Variants in YARS1 observed in about 807,000 individuals in gnomAD.
YARS1 encodes tyrosine--tRNA ligase, cytoplasmic.
YARS1 carries 36 observed loss-of-function variants against 62.2 expected under a neutral mutation model. That is an observed-to-expected ratio of 0.58 (90% CI 0.44 to 0.76). The LOEUF is 0.76. Among genes scored for constraint, YARS1 ranks in the 30% least tolerant of loss-of-function variants. YARS1 has a pLI of 0.00. For synonymous variants in YARS1, 234 were observed against 244.9 expected, an observed-to-expected ratio of 0.96 and a Z score of 0.42; for missense variants, 524 against 639.8, an observed-to-expected ratio of 0.82 and a Z score of 1.95.
Position 32,807,261 on chromosome 1 carries a change from C to T in YARS1, c.381-650G>A, listed in dbSNP as rs150849216. Among the ~76,000 whole-genome samples the T allele has an allele frequency of 6.6e-5, 10 of 152,242 alleles. No homozygotes were observed. In the East Asian group the frequency reaches 1.5e-3, roughly 23 times the overall value. On this transcript the variant is annotated intron_variant, in intron 3 of 12. Coordinates refer to ENST00000373477, the MANE Select transcript of YARS1 (RefSeq NM_003680.4). The stretch of plus-strand genomic sequence containing the variant: ...TTAGAACACTAGTTCACCATCTTCT[C>T]GGTTTGTTGGCTTTCTGATCAAACC...
intron 1 of YARS1, chr1:32,811,387 T>C (rs1638582009): frequency 5.2e-6 from 2 of 386,208 alleles, no homozygotes; most frequent in Admixed American, 7.3e-5. Flanking sequence ...TGATAAGATA[T>C]TGTGGAAAGC....
chr1:32,777,308 C>T (rs577352388), intron 12 of YARS1, among the ~76,000 whole-genome samples: 105 of 151,248 alleles, frequency 6.9e-4, no homozygotes, highest in African/African-American at 2.4e-3. Context: ...AGATTACAGG[C>T]GTGAGAGAAA....
chr1:32,780,265 T>C lies in YARS1; in HGVS notation c.1154A>G (p.Asp385Gly), dbSNP rs1057524362. 6.2e-7 allele frequency: 1 copy of C among 1,613,992 alleles called. No homozygotes were observed. The change falls in exon 11 of 13, where the codon GAC becomes GGC. Residue 385 changes from aspartate (D) to glycine (G), a missense_variant. By Grantham distance (94) the Asp-to-Gly change is moderately conservative (BLOSUM62 -1). Transcript: ENST00000373477. Reference protein sequence around the residue: ...IITVEKHPDADSLYVEKIDVG... With the variant: ...IITVEKHPDAGSLYVEKIDVG... Reference sequence around the variant, plus strand: ...GTCAATCTTCTCTACATACAGGCTGTCTGCATCTGGGTGCTGCCAGGGAGA... The same window carrying C: ...GTCAATCTTCTCTACATACAGGCTGCCTGCATCTGGGTGCTGCCAGGGAGA...
chr1:32,809,963 G>A (rs533899452), intron 3 of YARS1, among the ~76,000 whole-genome samples: 1 of 152,144 alleles, frequency 6.6e-6, no homozygotes, highest in South Asian at 2.1e-4. Context: ...AAAATTAGCC[G>A]GGTGTGGTGG....
At chr1:32,810,467 A>C in intron 3 of YARS1, 124 bp downstream of exon 3, 1 of 1,286,076 alleles carries the variant, frequency 7.8e-7, no homozygotes, top group South Asian at 1.2e-5. Context: ...AAAGTTTTAA[A>C]TGGTTCTTAA....
intron 12 of YARS1, among the ~76,000 whole-genome samples, chr1:32,778,519 G>A (rs952212009): frequency 7.3e-5 from 11 of 150,116 alleles, no homozygotes; most frequent in South Asian, 2.1e-4. Context: ...TGCCATTCTC[G>A]TCTCAGCCTC....
chr1:32,799,648 T>G (rs761787904), intron 4 of YARS1, among the ~76,000 whole-genome samples: 7 of 152,198 alleles, frequency 4.6e-5, no homozygotes, highest in Non-Finnish European at 7.3e-5. Flanking sequence ...TGGTGATGAA[T>G]ATATTATATG....
At chr1:32,785,416 G>T (rs1029544163) in intron 8 of YARS1, among the ~76,000 whole-genome samples, 4 of 150,210 alleles carry the variant, frequency 2.7e-5, no homozygotes, top group Non-Finnish European at 4.4e-5. Context: ...AGCCGAGATC[G>T]TGCCACTGCA....
rs200857685 is a variant in YARS1, at chr1:32,778,735, T to TC, written c.1476+646dup. Among the ~76,000 whole-genome samples the TC allele has an allele frequency of 9.0e-5, 13 of 145,026 alleles. No individual in the cohort carries two copies. In the East Asian group the frequency reaches 1.0e-3, roughly 11 times the overall value. On this transcript the variant is annotated intron_variant, in intron 12 of 12. Transcript: ENST00000373477. ...CCTGGCCTCATCATTTCTTTTCTTT[T>TC]CTTTTTTTTTTTTTTTTTTTGAGAC...
chr1:32,782,124 A>C lies in YARS1; in HGVS notation c.1042+280T>G, dbSNP rs1653080034. ...CTGGCCCCGGTCACTATCTTTAATG[A>C]AGAGGCAGATTTAACAAACAGACTA... On this transcript the variant is annotated intron_variant, in intron 9 of 12. Coordinates refer to ENST00000373477, the MANE Select transcript of YARS1 (RefSeq NM_003680.4). 4 of 479,348 alleles carry C rather than the reference A, an allele frequency of 8.3e-6. No individual in the cohort carries two copies. The South Asian group carries it at 8.5e-5, about 10-fold the overall frequency. 29.7% of individuals were successfully genotyped at this position (479,348 alleles called of 1,614,324 possible).
At chr1:32,796,250 C>G (rs561523190) in intron 5 of YARS1, among the ~76,000 whole-genome samples, 10 of 151,806 alleles carry the variant, frequency 6.6e-5, no homozygotes, top group African/African-American at 2.4e-4. Context: ...GAGCCGAGAT[C>G]GCGCCACTGC....
At chr1:32,796,811 A>T (rs553926383) in intron 5 of YARS1, among the ~76,000 whole-genome samples, 7 of 150,060 alleles carry the variant, frequency 4.7e-5, no homozygotes, top group African/African-American at 1.7e-4. Context: ...TTAAAAATAT[A>T]AAAATTACCT....
At chr1:32,805,910 C>T (rs1020758147) in intron 4 of YARS1, among the ~76,000 whole-genome samples, 6 of 152,124 alleles carry the variant, frequency 3.9e-5, no homozygotes, top group East Asian at 1.9e-4. Context: ...TGCAGTGAGC[C>T]GAGATTTCGC....
intron 8 of YARS1, chr1:32,783,231 C>T (rs1378359574): frequency 6.6e-6 from 1 of 152,634 alleles, no homozygotes. Flanking sequence ...GGTTAAATCA[C>T]TGAATGTGGG....
chr1:32,817,301 CACCGTCGCCGCCGCGTGCCGGGA>C lies in YARS1; in HGVS notation c.-80_-58del. ...CCGGCACCAGAGCCCCTTCCTGGGT[CACCGTCGCCGCCGCGTGCCGGGA>C]ACTGTCACGCGAGTCCAGCCAGGTT... On this transcript the variant is annotated 5_prime_UTR_variant, in exon 1 of 13. It removes the in-frame stop codon of an upstream open reading frame in the 5' UTR. Transcript: ENST00000373477. 1 of 1,605,208 alleles carries C rather than the reference CACCGTCGCCGCCGCGTGCCGGGA, an allele frequency of 6.2e-7. No homozygotes were observed. The highest frequency in any genetic ancestry group is 8.5e-7 in the Non-Finnish European group (1 of 1,174,450).
chr1:32,785,226 G>A (rs1054260064), intron 8 of YARS1, among the ~76,000 whole-genome samples: 8 of 152,180 alleles, frequency 5.3e-5, no homozygotes, highest in South Asian at 4.1e-4. Flanking sequence ...CTGGGAGGCC[G>A]AGGCAGGCGG....
intron 8 of YARS1, among the ~76,000 whole-genome samples, chr1:32,785,203 T>A (rs1019135563): frequency 5.3e-5 from 8 of 152,176 alleles, no homozygotes; most frequent in African/African-American, 1.9e-4. Flanking sequence ...CTCACGCCTG[T>A]AATCCCAGCA....
chr1:32,800,783 C>T (rs1638266688), intron 4 of YARS1, among the ~76,000 whole-genome samples: 2 of 152,126 alleles, frequency 1.3e-5, no homozygotes, highest in Admixed American at 1.3e-4. Context: ...CCATGTTAGC[C>T]AGGATGGTCT....
At position 32,802,978 on chromosome 1, in the gene YARS1, ATTTTTTTTTTT is replaced by A. The variant is rs34189200; in HGVS notation, c.510+3493_510+3503del. ...CAGATGCGCGCCACAACGCCTGGCT[ATTTTTTTTTTT>A]TTTTTTTTTTTGAGACAGAGTCTTG... is the stretch of plus-strand genomic sequence containing the variant. On this transcript the variant is annotated intron_variant, in intron 4 of 12. Coordinates refer to ENST00000373477, the MANE Select transcript of YARS1 (RefSeq NM_003680.4). Among the ~76,000 whole-genome samples the A allele has an allele frequency of 5.6e-5, 5 of 89,402 alleles. No homozygotes were observed. In the East Asian group the frequency reaches 1.0e-3, roughly 18 times the overall value. 58.7% of individuals were successfully genotyped at this position (89,402 alleles called of 152,430 possible). A position where few individuals can be genotyped will look rare whatever the true frequency, so the allele number is the denominator to read the frequency against.
Sources: gnomAD v4.1 joint callset for allele counts (sites outside exome capture counted in the v4.1 genomes callset) on GRCh38, gnomAD v4.1.1 for gene constraint, MANE v1.5 for transcripts, NCBI Gene and HGNC (gene_info 2026-07-23, HGNC 2026-07-21) for gene names.